The following ARB2A variants were observed in gnomAD, a reference collection of about 807,000 sequenced individuals.
ARB2A encodes the protein ARB2 cotranscriptional regulator A.
At chr5:93,947,276 C>T in the ARB2A span, among the ~76,000 whole-genome samples, 6 of 152,206 alleles carry the variant, frequency 3.9e-5, no homozygotes, top group East Asian at 1.9e-4. Context: ...ACAGTGTTTA[C>T]GATTTTCACA....
the ARB2A span, among the ~76,000 whole-genome samples, chr5:93,760,282 T>C: frequency 6.6e-6 from 1 of 152,176 alleles, no homozygotes; most frequent in African/African-American, 2.4e-5. Context: ...CATCCCATGC[T>C]CATGGATGGA....
chr5:93,707,276 G>T, the ARB2A span, among the ~76,000 whole-genome samples: 393 of 152,180 alleles, frequency 2.6e-3, 1 homozygote, highest in African/African-American at 8.9e-3. Flanking sequence ...TACTTTTCAC[G>T]ATGTCCAAAA....
At chr5:94,012,381 G>GCA in the ARB2A span, among the ~76,000 whole-genome samples, 12 of 152,344 alleles carry the variant, frequency 7.9e-5, no homozygotes, top group Admixed American at 3.3e-4. Flanking sequence ...CAGCCTGGAG[G>GCA]ACAGAGCGAG....
At chr5:93,836,751 A>G in the ARB2A span, among the ~76,000 whole-genome samples, 3 of 152,234 alleles carry the variant, frequency 2.0e-5, no homozygotes, top group African/African-American at 7.2e-5. Flanking sequence ...GCATATACTA[A>G]AAACATATTC....
chr5:93,914,136 A>G, the ARB2A span, among the ~76,000 whole-genome samples: 1 of 151,934 alleles, frequency 6.6e-6, no homozygotes, highest in Non-Finnish European at 1.5e-5. Context: ...GCTACATCTT[A>G]TTAGCTGTCT....
the ARB2A span, among the ~76,000 whole-genome samples, chr5:94,044,234 G>C: frequency 6.6e-6 from 1 of 152,178 alleles, no homozygotes; most frequent in African/African-American, 2.4e-5. Flanking sequence ...TTCTAACTTA[G>C]TTTACTTGGA....
chr5:93,846,811 T>C, the ARB2A span, among the ~76,000 whole-genome samples: 2 of 152,192 alleles, frequency 1.3e-5, no homozygotes, highest in Non-Finnish European at 2.9e-5. Flanking sequence ...TGCCTCAATG[T>C]TGATGGCTGC....
the ARB2A span, among the ~76,000 whole-genome samples, chr5:93,728,116 A>G: frequency 6.6e-6 from 1 of 152,106 alleles, no homozygotes; most frequent in African/African-American, 2.4e-5. Context: ...AGTATAATTA[A>G]GAACTGCATT....
chr5:93,817,902 A>G, the ARB2A span, among the ~76,000 whole-genome samples: 1 of 152,130 alleles, frequency 6.6e-6, no homozygotes, highest in African/African-American at 2.4e-5. Context: ...CAAGAAAGTG[A>G]CTTAGTCATC....
At chr5:94,009,376 T>C in the ARB2A span, among the ~76,000 whole-genome samples, 1 of 152,066 alleles carries the variant, frequency 6.6e-6, no homozygotes, top group African/African-American at 2.4e-5. Context: ...TATTTCTTTG[T>C]GTGAATTTGC....
chr5:94,054,093 T>A, the ARB2A span, among the ~76,000 whole-genome samples: 1 of 152,206 alleles, frequency 6.6e-6, no homozygotes, highest in Non-Finnish European at 1.5e-5. Context: ...TTTAGATTGA[T>A]GGAAAAGTTG....
chr5:93,909,069 G>A, the ARB2A span, among the ~76,000 whole-genome samples: 2 of 150,882 alleles, frequency 1.3e-5, no homozygotes, highest in Non-Finnish European at 1.5e-5. Context: ...CACACTGATA[G>A]AGAAATTGTG....
chr5:94,072,482 T>A, the ARB2A span, among the ~76,000 whole-genome samples: 1 of 152,112 alleles, frequency 6.6e-6, no homozygotes, highest in South Asian at 2.1e-4. Context: ...ATATAAGATG[T>A]TACCATTAGG....
chr5:93,915,159 C>T, the ARB2A span, among the ~76,000 whole-genome samples: 1 of 151,932 alleles, frequency 6.6e-6, no homozygotes, highest in South Asian at 2.1e-4. Context: ...ATTACACTGT[C>T]TTCCACACTC....
the ARB2A span, among the ~76,000 whole-genome samples, chr5:93,699,070 A>G: frequency 1.3e-5 from 2 of 152,184 alleles, no homozygotes; most frequent in Non-Finnish European, 2.9e-5. Context: ...TCCTCACAAC[A>G]TCCTATGTAG....
chr5:93,942,237 A>C, the ARB2A span, among the ~76,000 whole-genome samples: 6 of 152,256 alleles, frequency 3.9e-5, no homozygotes, highest in South Asian at 1.2e-3. Context: ...CTTTGCTGGC[A>C]TGGGGCTGGG....
the ARB2A span, among the ~76,000 whole-genome samples, chr5:93,892,587 G>C: frequency 2.6e-5 from 4 of 151,296 alleles, no homozygotes; most frequent in East Asian, 3.9e-4. Context: ...ACTACCTCTG[G>C]GGGGGGGAAA....
At chr5:94,075,823 A>G in the ARB2A span, among the ~76,000 whole-genome samples, 3 of 152,198 alleles carry the variant, frequency 2.0e-5, no homozygotes, top group African/African-American at 7.2e-5. Context: ...AATGTTCCAA[A>G]TGGCCATAAT....
the ARB2A span, among the ~76,000 whole-genome samples, chr5:94,066,759 A>G: frequency 6.6e-6 from 1 of 152,206 alleles, no homozygotes; most frequent in Admixed American, 6.5e-5. Flanking sequence ...CAAATGTCTA[A>G]AGAAAAACTA....
Sources: gnomAD v4.1 joint callset for allele counts (sites outside exome capture counted in the v4.1 genomes callset) on GRCh38, gnomAD v4.1.1 for gene constraint, MANE v1.5 for transcripts, NCBI Gene and HGNC (gene_info 2026-07-23, HGNC 2026-07-21) for gene names.